TMEM123: variants seen among roughly 807,000 people sequenced by gnomAD.
TMEM123 encodes the protein porimin.
Under a neutral mutation model 19.7 loss-of-function variants are expected in TMEM123, and 16 were observed. The observed-to-expected ratio is 0.81, with a 90% CI of 0.55 to 1.23. The LOEUF is 1.23. TMEM123 is among the 50% of genes most tolerant of loss of function. The pLI, the probability that TMEM123 is intolerant of heterozygous loss-of-function variation, is 0.00. For synonymous variants in TMEM123, 118 were observed against 99.4 expected (o/e 1.19, Z -1.12); for missense variants, 313 against 257.8 (o/e 1.21, Z -1.47).
At chr11:102,430,210 C>T (rs1487548741) in intron 2 of TMEM123, among the ~76,000 whole-genome samples, 1 of 152,192 alleles carries the variant, frequency 6.6e-6, no homozygotes, top group African/African-American at 2.4e-5. Flanking sequence ...TTTGTTTTGA[C>T]CAAGGGGCTC....
intron 2 of TMEM123, among the ~76,000 whole-genome samples, chr11:102,408,093 C>G (rs1951971162): frequency 6.6e-6 from 1 of 152,156 alleles, no homozygotes; most frequent in Non-Finnish European, 1.5e-5. Context: ...TTGAGATTAT[C>G]TATAGATGTC....
intron 2 of TMEM123, among the ~76,000 whole-genome samples, chr11:102,406,448 A>G (rs1005353490): frequency 2.0e-5 from 3 of 152,188 alleles, no homozygotes; most frequent in Admixed American, 6.5e-5. Context: ...ACTGAGCTCT[A>G]TCTACCCATC....
At chr11:102,443,672 CA>C (rs1197190883) in intron 2 of TMEM123, among the ~76,000 whole-genome samples, 4 of 152,182 alleles carry the variant, frequency 2.6e-5, no homozygotes, top group Middle Eastern at 3.4e-3. Context: ...AAAGCAATGC[CA>C]ACAAAAGCCA....
In TMEM123 at chr11:102,397,102, T is replaced by C. The variant is rs1021323663; in HGVS notation, c.*1765A>G. On this transcript the variant is annotated 3_prime_UTR_variant, in exon 5 of 5. Coordinates refer to ENST00000398136, the MANE Select transcript of TMEM123 (RefSeq NM_052932.3). ...AGCCCACCTCTCCTTCAAACTAAAC[T>C]AATCTAAATGTATTTTTCAGAAAAT... is the stretch of plus-strand genomic sequence containing the variant. 2 of 152,230 alleles carry C rather than the reference T, an allele frequency of 1.3e-5. No homozygotes were observed. Among genetic ancestry groups the C allele is most frequent in the Non-Finnish European group, 2.9e-5 (2 of 68,036 alleles). The allele number at this position is 152,230 out of a possible 1,614,324, so 9.4% of individuals were successfully genotyped here. A position where few individuals can be genotyped will look rare whatever the true frequency, so the allele number is the denominator to read the frequency against.
intron 2 of TMEM123, among the ~76,000 whole-genome samples, chr11:102,425,022 G>A (rs190235285): frequency 1.2e-4 from 19 of 152,336 alleles, no homozygotes; most frequent in Non-Finnish European, 2.4e-4. Context: ...AAGCAAGAAT[G>A]AAGAATATCC....
At position 102,398,075 on chromosome 11, in the gene TMEM123, T is replaced by G. The variant is rs552199197; in HGVS notation, c.*792A>C. 1.3e-5 allele frequency: 2 copies of G among 152,274 alleles called. No homozygotes were observed. Among genetic ancestry groups the G allele is most frequent in the Non-Finnish European group, 2.9e-5 (2 of 68,096 alleles). The allele number at this position is 152,274 out of a possible 1,614,324, so 9.4% of individuals were successfully genotyped here. On this transcript the variant is annotated 3_prime_UTR_variant, in exon 5 of 5. Coordinates refer to ENST00000398136, the MANE Select transcript of TMEM123 (RefSeq NM_052932.3). Reference sequence around the variant, plus strand: ...GCAAATAATCTAACTTCTAGGAGGTTTTTTCCCTATAATGCCAGGATTATT... The same window carrying G: ...GCAAATAATCTAACTTCTAGGAGGTGTTTTCCCTATAATGCCAGGATTATT...
chr11:102,402,270 C>T (rs1951921007), intron 2 of TMEM123, 64 bp from the exon 3 acceptor site: 1 of 1,523,912 alleles, frequency 6.6e-7, no homozygotes, highest in African/African-American at 1.4e-5. Flanking sequence ...TCCCATTTCA[C>T]TGAGACTTTC....
At chr11:102,412,681 C>T (rs1263132647) in intron 2 of TMEM123, among the ~76,000 whole-genome samples, 1 of 152,054 alleles carries the variant, frequency 6.6e-6, no homozygotes, top group Admixed American at 6.6e-5. Flanking sequence ...GAAAAGACAT[C>T]TCATAAATGG....
intron 2 of TMEM123, among the ~76,000 whole-genome samples, chr11:102,425,589 T>A (rs1420694614): frequency 6.7e-6 from 1 of 148,354 alleles, no homozygotes; most frequent in African/African-American, 2.5e-5. Context: ...TTTTCTTTTT[T>A]TTTTTTTTTT....
chr11:102,417,623 G>A (rs1334848102), intron 2 of TMEM123, among the ~76,000 whole-genome samples: 6 of 151,084 alleles, frequency 4.0e-5, no homozygotes, highest in South Asian at 2.1e-4. Context: ...TCAAACCACC[G>A]TAAGTGGAAA....
chr11:102,442,248 A>AAAAG (rs1857834938), intron 2 of TMEM123, among the ~76,000 whole-genome samples: 1 of 150,400 alleles, frequency 6.6e-6, no homozygotes, highest in Non-Finnish European at 1.5e-5. Context: ...GACACAACAA[A>AAAAG]AGAATTTTAG....
At chr11:102,423,846 A>C (rs140711147) in intron 2 of TMEM123, among the ~76,000 whole-genome samples, 4 of 152,106 alleles carry the variant, frequency 2.6e-5, no homozygotes, top group African/African-American at 7.2e-5. Context: ...ACGCATACTT[A>C]TTTTTTTATA....
chr11:102,405,453 A>C (rs920195693), intron 2 of TMEM123, among the ~76,000 whole-genome samples: 1 of 152,252 alleles, frequency 6.6e-6, no homozygotes, highest in Admixed American at 6.5e-5. Flanking sequence ...CACTAAGTTC[A>C]AATGAACTTG....
rs1016860185 is a variant in TMEM123 at position 102,420,090 on chromosome 11, G to C, written c.158-17884C>G. ...ATATGCACAAACATGAATTATATAG[G>C]AGTTAAGACACTCTGTCTTAGAAAC... On this transcript the variant is annotated intron_variant, in intron 2 of 4. Coordinates refer to ENST00000398136, the MANE Select transcript of TMEM123 (RefSeq NM_052932.3). Among the ~76,000 whole-genome samples the C allele has an allele frequency of 2.0e-5, 3 of 152,216 alleles. No individual in the cohort carries two copies. The South Asian group carries it at 6.2e-4, about 32-fold the overall frequency.
chr11:102,404,389 T>A (rs1203191464), intron 2 of TMEM123, among the ~76,000 whole-genome samples: 1 of 151,674 alleles, frequency 6.6e-6, no homozygotes, highest in Non-Finnish European at 1.5e-5. Flanking sequence ...GTTCAAGCGA[T>A]TCTCGTGCCT....
At chr11:102,444,942 TCTCA>T (rs1857866922) in intron 2 of TMEM123, among the ~76,000 whole-genome samples, 1 of 151,398 alleles carries the variant, frequency 6.6e-6, no homozygotes, top group Admixed American at 6.6e-5. Context: ...CACCGCATGT[TCTCA>T]CTCATAGGTG....
intron 2 of TMEM123, among the ~76,000 whole-genome samples, chr11:102,411,942 C>T (rs188317196): frequency 6.6e-6 from 1 of 152,256 alleles, no homozygotes; most frequent in African/African-American, 2.4e-5. Context: ...GCCCCAGTTG[C>T]CCTCTGCTGC....
chr11:102,409,404 AAATATCAGTG>A (rs1951983192), intron 2 of TMEM123, among the ~76,000 whole-genome samples: 5 of 152,200 alleles, frequency 3.3e-5, no homozygotes, highest in African/African-American at 9.7e-5. Context: ...CCCATCAACT[AAATATCAGTG>A]TAATTCCAGA....
chr11:102,444,126 G>C (rs1420337511), intron 2 of TMEM123, among the ~76,000 whole-genome samples: 2 of 152,218 alleles, frequency 1.3e-5, no homozygotes, highest in South Asian at 4.1e-4. Flanking sequence ...AACCATTGTG[G>C]AAGACAGTGT....
Sources: allele counts gnomAD v4.1 joint callset (sites outside exome capture counted in the v4.1 genomes callset), GRCh38; gene constraint gnomAD v4.1.1; transcripts MANE v1.5; gene names NCBI Gene and HGNC (gene_info 2026-07-23, HGNC 2026-07-21).